Variants in NAALADL2 observed in about 807,000 individuals in gnomAD.
The protein encoded by NAALADL2 is N-acetylated alpha-linked acidic dipeptidase like 2, also known as inactive N-acetylated-alpha-linked acidic dipeptidase-like protein 2.
A neutral mutation model predicts 87.2 loss-of-function variants in NAALADL2; 76 were observed. That is an observed-to-expected ratio of 0.87 (90% CI 0.72 to 1.05). NAALADL2 has a LOEUF of 1.05. Among genes scored for constraint, NAALADL2 ranks in the 50% least tolerant of loss-of-function variants. The pLI, the probability that NAALADL2 is intolerant of heterozygous loss-of-function variation, is 0.00. For synonymous variants in NAALADL2, 354 were observed against 331.0 expected (o/e 1.07, Z -0.75); for missense variants, 1,089 against 945.8 (o/e 1.15, Z -1.99).
At chr3:175,708,555 C>T (rs1740063071) in intron 11 of NAALADL2, among the ~76,000 whole-genome samples, 1 of 149,596 alleles carries the variant, frequency 6.7e-6, no homozygotes, top group African/African-American at 2.5e-5. Flanking sequence ...GTATGATGGA[C>T]AAAGTAGAGA....
chr3:174,838,023 AAAAAAAAAAAAAAG>A (rs907272494), intron 3 of NAALADL2, among the ~76,000 whole-genome samples: 1 of 119,628 alleles, frequency 8.4e-6, no homozygotes, highest in Non-Finnish European at 1.8e-5. Context: ...CCAAAAAAGA[AAAAAAAAAAAAAAG>A]AAAAAAAAAA....
chr3:175,133,229 C>G (rs908778658), intron 2 of NAALADL2, among the ~76,000 whole-genome samples: 9 of 151,782 alleles, frequency 5.9e-5, no homozygotes, highest in African/African-American at 2.2e-4. Context: ...ACGCTCCTCA[C>G]TTTCCAGACT....
intron 3 of NAALADL2, among the ~76,000 whole-genome samples, chr3:174,740,515 A>C (rs1733664705): frequency 6.6e-6 from 1 of 151,926 alleles, no homozygotes; most frequent in Non-Finnish European, 1.5e-5. Context: ...GTATGAATTA[A>C]ATTTAGAAAA....
In NAALADL2 at chr3:174,490,167, A is replaced by G. The variant is rs116068854; in HGVS notation, c.-184+49135A>G. On this transcript the variant is annotated intron_variant, in intron 1 of 3. Transcript: ENST00000434257. ...AAACAACACAATTGTCCATCAACTG[A>G]TGAATGCAAGGATAAATAAAATAGT... is the stretch of plus-strand genomic sequence containing the variant. Among the ~76,000 whole-genome samples, 495 of 152,264 alleles carry G rather than the reference A, an allele frequency of 3.3e-3. 6 individuals carry two copies. The highest frequency in any genetic ancestry group is 0.011 in the African/African-American group (469 of 41,572).
intron 5 of NAALADL2, among the ~76,000 whole-genome samples, chr3:175,395,282 ATTTG>A (rs1301977361): frequency 2.0e-5 from 3 of 152,116 alleles, no homozygotes; most frequent in Non-Finnish European, 4.4e-5. Flanking sequence ...AAAACTTATG[ATTTG>A]TTTATTTTTT....
intron 11 of NAALADL2, among the ~76,000 whole-genome samples, chr3:175,653,627 G>T (rs1242486108): frequency 6.6e-6 from 1 of 152,054 alleles, no homozygotes. Context: ...TCCTTGATTG[G>T]CTCTGTCATA....
chr3:174,657,088 G>C (rs75413966), intron 2 of NAALADL2, among the ~76,000 whole-genome samples: 1 of 126,372 alleles, frequency 7.9e-6, no homozygotes, highest in African/African-American at 3.3e-5. Context: ...GGAGTTCAAC[G>C]GTGTGATCTT....
intron 4 of NAALADL2, among the ~76,000 whole-genome samples, chr3:175,300,106 C>G (rs575939046): frequency 6.6e-6 from 1 of 152,214 alleles, no homozygotes; most frequent in South Asian, 2.1e-4. Context: ...TTTGCATATG[C>G]TGAACCAGCC....
intron 9 of NAALADL2, among the ~76,000 whole-genome samples, chr3:175,562,790 TA>T (rs5854641): frequency 0.64 from 97,380 of 151,752 alleles, 33,933 homozygotes; most frequent in East Asian, 0.84. Flanking sequence ...TAAACCCAAT[TA>T]AAAAAAGTCT....
At chr3:174,450,879 A>AAG (rs1715434587) in intron 1 of NAALADL2, among the ~76,000 whole-genome samples, 1 of 150,762 alleles carries the variant, frequency 6.6e-6, no homozygotes, top group African/African-American at 2.4e-5. Context: ...CAAAAAAAAA[A>AAG]AAAAAAAAAA....
At chr3:174,994,158 A>G (rs1348603068) in intron 1 of NAALADL2, among the ~76,000 whole-genome samples, 1 of 152,182 alleles carries the variant, frequency 6.6e-6, no homozygotes, top group African/African-American at 2.4e-5. Flanking sequence ...AACTCAATAC[A>G]GTGTGAAACA....
chr3:175,295,553 TC>T (rs1258960177), intron 4 of NAALADL2, among the ~76,000 whole-genome samples: 1 of 152,142 alleles, frequency 6.6e-6, no homozygotes, highest in East Asian at 1.9e-4. Flanking sequence ...CTTTAATCCT[TC>T]CTTTCCTTTC....
chr3:175,799,735 T>A (rs987026021), intron 13 of NAALADL2, among the ~76,000 whole-genome samples: 8 of 152,124 alleles, frequency 5.3e-5, no homozygotes, highest in Non-Finnish European at 1.2e-4. Flanking sequence ...TCTCACTATT[T>A]AAGTCATTTT....
At chr3:174,467,807 G>A (rs1350473715) in intron 1 of NAALADL2, among the ~76,000 whole-genome samples, 2 of 151,794 alleles carry the variant, frequency 1.3e-5, no homozygotes, top group African/African-American at 2.4e-5. Context: ...TGTATAAAAA[G>A]AAGGGAATAA....
chr3:175,212,531 A>G (rs898463196), intron 2 of NAALADL2, among the ~76,000 whole-genome samples: 2 of 151,598 alleles, frequency 1.3e-5, no homozygotes, highest in Admixed American at 6.6e-5. Context: ...AGGAAAGACC[A>G]TGAATCATAA....
chr3:175,036,485 T>A (rs1753422881), intron 1 of NAALADL2, among the ~76,000 whole-genome samples: 1 of 151,950 alleles, frequency 6.6e-6, no homozygotes, highest in Admixed American at 6.6e-5. Flanking sequence ...CTTCAAGCTC[T>A]GCCTCCCAGG....
At chr3:175,538,029 A>G (rs954774014) in intron 9 of NAALADL2, among the ~76,000 whole-genome samples, 9 of 152,146 alleles carry the variant, frequency 5.9e-5, no homozygotes, top group Non-Finnish European at 1.5e-5. Flanking sequence ...AGATACCTAC[A>G]TTTTGTTGAA....
intron 2 of NAALADL2, among the ~76,000 whole-genome samples, chr3:175,130,093 AT>A (rs1727582992): frequency 6.6e-6 from 1 of 152,148 alleles, no homozygotes; most frequent in Admixed American, 6.5e-5. Flanking sequence ...CTTGTTGGCC[AT>A]TTTTATATCT....
intron 2 of NAALADL2, among the ~76,000 whole-genome samples, chr3:175,194,235 G>C (rs1738651233): frequency 6.6e-6 from 1 of 151,790 alleles, no homozygotes; most frequent in African/African-American, 2.4e-5. Context: ...AAGTTAACAG[G>C]TTGAATGAAA....
Sources: allele counts gnomAD v4.1 joint callset (sites outside exome capture counted in the v4.1 genomes callset), GRCh38; gene constraint gnomAD v4.1.1; transcripts MANE v1.5; gene names NCBI Gene and HGNC (gene_info 2026-07-23, HGNC 2026-07-21).